Variants in DLGAP2 observed in about 807,000 individuals in gnomAD.
The protein encoded by DLGAP2 is DLG associated protein 2.
A neutral mutation model predicts 100.3 loss-of-function variants in DLGAP2; 26 were observed. That is an observed-to-expected ratio of 0.26 (90% CI 0.19 to 0.36). The LOEUF (loss-of-function observed/expected upper bound fraction) is 0.36. Among genes scored for constraint, DLGAP2 ranks in the 10% least tolerant of loss-of-function variants. The pLI is 1.00. For synonymous variants in DLGAP2, 886 were observed against 630.1 expected (o/e 1.41, Z -6.08); for missense variants, 1,858 against 1,453.2 (o/e 1.28, Z -4.53).
chr8:870,318 C>G (rs891500242), intron 1 of DLGAP2, among the ~76,000 whole-genome samples: 1 of 152,182 alleles, frequency 6.6e-6, no homozygotes, highest in Non-Finnish European at 1.5e-5. Flanking sequence ...ATGCTGACCT[C>G]TCTTCCAGTA....
Position 1,344,174 on chromosome 8 carries a change from G to A in DLGAP2, c.106+85291G>A, listed in dbSNP as rs796910748. 3.5e-5 allele frequency among the ~76,000 whole-genome samples: 4 copies of A among 113,678 alleles called. No individual in the cohort carries two copies. The South Asian group carries it at 1.3e-3, about 36-fold the overall frequency. The allele number at this position is 113,678 out of a possible 152,430, so 74.6% of individuals were successfully genotyped here. On this transcript the variant is annotated intron_variant, in intron 3 of 14. Transcript: ENST00000637795. ...CCTGTCGTGGGTCTTTGTACTCGGG[G>A]CGCTGTCGTGGGTCCGTGTACTCGG...
intron 2 of DLGAP2, among the ~76,000 whole-genome samples, chr8:1,237,003 C>T (rs1207131339): frequency 7.2e-6 from 1 of 138,844 alleles, no homozygotes; most frequent in Non-Finnish European, 1.5e-5. Context: ...CACATAGCGT[C>T]ATGTCTAGTT....
At chr8:1,546,489 C>T (rs768813240) in intron 4 of DLGAP2, among the ~76,000 whole-genome samples, 3 of 152,232 alleles carry the variant, frequency 2.0e-5, no homozygotes, top group African/African-American at 4.8e-5. Context: ...CATGCTGGCC[C>T]AGACGGCTGG....
intron 2 of DLGAP2, chr8:1,246,756 A>C (rs1451480332): frequency 1.3e-5 from 2 of 152,344 alleles, no homozygotes; most frequent in African/African-American, 4.8e-5. Context: ...ATGCCCTGAC[A>C]CCCGTGCAGA....
intron 3 of DLGAP2, among the ~76,000 whole-genome samples, chr8:1,334,899 C>A (rs1801239584): frequency 6.6e-6 from 1 of 152,242 alleles, no homozygotes; most frequent in Non-Finnish European, 1.5e-5. Context: ...CTTCTCCTCC[C>A]CGCCTTGGCC....
chr8:1,157,216 C>G (rs1166575840), intron 2 of DLGAP2, among the ~76,000 whole-genome samples: 1 of 152,112 alleles, frequency 6.6e-6, no homozygotes, highest in Admixed American at 6.5e-5. Flanking sequence ...GTGTGTGAAG[C>G]AGTTCCCGGG....
At chr8:1,026,865 A>C (rs765459942) in intron 2 of DLGAP2, among the ~76,000 whole-genome samples, 1 of 152,246 alleles carries the variant, frequency 6.6e-6, no homozygotes, top group Non-Finnish European at 1.5e-5. Context: ...CAACACATTT[A>C]TTCTAATTTC....
intron 2 of DLGAP2, among the ~76,000 whole-genome samples, chr8:1,017,748 G>A (rs1801507869): frequency 6.6e-6 from 1 of 152,208 alleles, no homozygotes; most frequent in South Asian, 2.1e-4. Context: ...GAGCCTGCAA[G>A]GGGCCTGCCG....
At chr8:1,360,480 C>T (rs1000717794) in intron 3 of DLGAP2, among the ~76,000 whole-genome samples, 9 of 152,166 alleles carry the variant, frequency 5.9e-5, no homozygotes, top group African/African-American at 1.9e-4. Flanking sequence ...AGGGACCCTG[C>T]CCCACTGCAT....
At chr8:1,415,343 A>G (rs1414812400) in intron 3 of DLGAP2, among the ~76,000 whole-genome samples, 1 of 152,128 alleles carries the variant, frequency 6.6e-6, no homozygotes, top group African/African-American at 2.4e-5. Context: ...ATCCGGGGGT[A>G]CGTTGGCAAG....
chr8:845,150 C>T (rs1426338712), intron 1 of DLGAP2, among the ~76,000 whole-genome samples: 2 of 152,180 alleles, frequency 1.3e-5, no homozygotes, highest in African/African-American at 4.8e-5. Context: ...TTTGCGTGAA[C>T]ATATGTCTTT....
chr8:762,323 C>A (rs1342894447), intron 1 of DLGAP2, among the ~76,000 whole-genome samples: 1 of 152,166 alleles, frequency 6.6e-6, no homozygotes. Flanking sequence ...ACCTCATGGT[C>A]ACAGGGTGTT....
intron 2 of DLGAP2, among the ~76,000 whole-genome samples, chr8:971,891 G>A (rs569545836): frequency 6.6e-6 from 1 of 152,276 alleles, no homozygotes; most frequent in South Asian, 2.1e-4. Flanking sequence ...TGTGATGGTT[G>A]CAGCCCAGGG....
In DLGAP2 at chr8:1,678,242, G is replaced by T. The variant is rs34274599; in HGVS notation, c.2317G>T (p.Val773Phe). ...CGGACGTTTTAAACGTTCTAACAGC[G>T]TCACGGCCGCCGTCCAAGCTGACCT... The part of the protein sequence containing the change: ...RHGRFKRSNS[V>F]TAAVQADLEL... The change falls in exon 12 of 15, where the codon GTC becomes TTC. Residue 773 changes from valine (V) to phenylalanine (F), a missense_variant. Coordinates refer to ENST00000637795, the MANE Select transcript of DLGAP2 (RefSeq NM_001346810.2). 6.2e-7 allele frequency: 1 copy of T among 1,613,400 alleles called. No individual in the cohort carries two copies. Among genetic ancestry groups the T allele is most frequent in the Non-Finnish European group, 8.5e-7 (1 of 1,179,662 alleles).
At chr8:934,848 T>C (rs1799033999) in intron 2 of DLGAP2, among the ~76,000 whole-genome samples, 1 of 152,170 alleles carries the variant, frequency 6.6e-6, no homozygotes, top group South Asian at 2.1e-4. Context: ...TTCTCGGCTA[T>C]AAGAGCAACA....
intron 4 of DLGAP2, among the ~76,000 whole-genome samples, chr8:1,542,524 T>C (rs916117394): frequency 6.6e-6 from 1 of 152,222 alleles, no homozygotes; most frequent in East Asian, 1.9e-4. Flanking sequence ...TTCTTTCCCA[T>C]GGCATAAGGT....
chr8:1,701,397 C>T lies in DLGAP2; in HGVS notation c.3159C>T (p.Thr1053=), dbSNP rs756564381. 7 of 1,590,738 alleles carry T rather than the reference C, an allele frequency of 4.4e-6. No homozygotes were observed. The South Asian group carries it at 6.8e-5, about 16-fold the overall frequency. ...AGATCTACATCCCCGAGGCCCAGAC[C>T]CGGCTCTGAGGGCGGAGGCCGGCGC... ...SIEIYIPEAQ[T]RL The change falls in exon 15 of 15, where the codon ACC becomes ACT. Residue 1053 remains threonine (T), a synonymous_variant. Transcript: ENST00000637795.
intron 2 of DLGAP2, among the ~76,000 whole-genome samples, chr8:1,173,668 G>T (rs576688305): frequency 6.6e-6 from 1 of 152,162 alleles, no homozygotes; most frequent in Admixed American, 6.5e-5. Context: ...CGTTATGGGC[G>T]TAGGACCCTC....
At chr8:918,821 TA>T (rs1177463562) in intron 2 of DLGAP2, among the ~76,000 whole-genome samples, 6 of 152,260 alleles carry the variant, frequency 3.9e-5, no homozygotes, top group African/African-American at 1.4e-4. Flanking sequence ...CTGATATAGT[TA>T]TGAGCTATTG....
Sources: allele counts gnomAD v4.1 joint callset (sites outside exome capture counted in the v4.1 genomes callset), GRCh38; gene constraint gnomAD v4.1.1; transcripts MANE v1.5; gene names NCBI Gene and HGNC (gene_info 2026-07-23, HGNC 2026-07-21).